POU2F1: variants seen among roughly 807,000 people sequenced by gnomAD.
POU2F1 encodes the protein POU class 2 homeobox 1, also known as POU domain, class 2, transcription factor 1.
Under a neutral mutation model 84.9 loss-of-function variants are expected in POU2F1, and 16 were observed. The ratio of observed to expected loss-of-function variants is 0.19; its 90% CI spans 0.13 to 0.29. The LOEUF (loss-of-function observed/expected upper bound fraction) is 0.29. POU2F1 is among the 10% of genes least tolerant of loss of function. POU2F1 has a pLI of 1.00. For synonymous variants in POU2F1, 368 were observed against 368.3 expected (o/e 1.00, Z 0.01); for missense variants, 738 against 942.6 (o/e 0.78, Z 2.84).
intron 6 of POU2F1, 95 bp downstream of exon 6, chr1:167,374,391 G>A: frequency 8.2e-7 from 1 of 1,221,582 alleles, no homozygotes; most frequent in Non-Finnish European, 1.1e-6. Context: ...GTTAGTGTGG[G>A]GCCTTAACTG....
At chr1:167,222,869 T>G (rs1648342169) in intron 1 of POU2F1, among the ~76,000 whole-genome samples, 1 of 152,222 alleles carries the variant, frequency 6.6e-6, no homozygotes, top group Non-Finnish European at 1.5e-5. Context: ...AATCACTTTG[T>G]TTTGGGGATG....
chr1:167,389,453 G>A, intron 8 of POU2F1, 135 bp from the exon 9 acceptor site: 1 of 843,770 alleles, frequency 1.2e-6, no homozygotes, highest in Non-Finnish European at 1.9e-6. Flanking sequence ...TGAACATTAT[G>A]TTGTACATTC....
At chr1:167,268,080 T>G (rs1284636634) in intron 1 of POU2F1, among the ~76,000 whole-genome samples, 5 of 152,132 alleles carry the variant, frequency 3.3e-5, no homozygotes, top group Non-Finnish European at 5.9e-5. Flanking sequence ...AGCTGGGAAA[T>G]CACTTAGATA....
At chr1:167,311,771 C>CATTTATTT (rs3059735) in intron 1 of POU2F1, among the ~76,000 whole-genome samples, 29,482 of 144,506 alleles carry the variant, frequency 0.2, 3,150 homozygotes, top group Non-Finnish European at 0.23. Flanking sequence ...TACAAAAAAT[C>CATTTATTT]ATTTATTTAT....
intron 6 of POU2F1, among the ~76,000 whole-genome samples, chr1:167,374,785 G>A (rs533201669): frequency 6.6e-6 from 1 of 152,072 alleles, no homozygotes; most frequent in African/African-American, 2.4e-5. Flanking sequence ...TATTTAAGAA[G>A]CGCCAGGCGC....
chr1:167,295,070 C>T (rs1006657661), intron 1 of POU2F1, among the ~76,000 whole-genome samples: 3 of 151,574 alleles, frequency 2.0e-5, no homozygotes, highest in East Asian at 3.9e-4. Context: ...TGCAGTGAGC[C>T]GAGATCACGC....
chr1:167,244,274 T>C (rs1650142480), intron 1 of POU2F1, among the ~76,000 whole-genome samples: 1 of 152,098 alleles, frequency 6.6e-6, no homozygotes, highest in Non-Finnish European at 1.5e-5. Context: ...ATTAAGATAT[T>C]GGTCAGAGCT....
chr1:167,300,924 C>A (rs1654650990), intron 1 of POU2F1, among the ~76,000 whole-genome samples: 1 of 152,116 alleles, frequency 6.6e-6, no homozygotes. Context: ...GCGCATGCCA[C>A]CACGCGCAGC....
chr1:167,403,144 G>A (rs565398575), intron 13 of POU2F1, among the ~76,000 whole-genome samples: 5 of 110,150 alleles, frequency 4.5e-5, no homozygotes, highest in African/African-American at 1.1e-4. Context: ...TTTCTGACAC[G>A]TTGATAATTT....
At chr1:167,400,491 C>A (rs186703799) in intron 12 of POU2F1, among the ~76,000 whole-genome samples, 29 of 152,294 alleles carry the variant, frequency 1.9e-4, no homozygotes, top group African/African-American at 6.5e-4. Flanking sequence ...CTTACACTCA[C>A]GTGATTAAGT....
At chr1:167,401,031 CG>C (rs980968591) in intron 12 of POU2F1, among the ~76,000 whole-genome samples, 12 of 151,774 alleles carry the variant, frequency 7.9e-5, no homozygotes, top group Admixed American at 5.3e-4. Context: ...AAAACTAATC[CG>C]TTTTTTTTAA....
chr1:167,357,839 CTG>C (rs757747523), intron 2 of POU2F1, among the ~76,000 whole-genome samples: 8 of 131,188 alleles, frequency 6.1e-5, no homozygotes, highest in Non-Finnish European at 9.4e-5. Flanking sequence ...GAGTCTCACT[CTG>C]TCTTCAGGCT....
chr1:167,307,364 T>C (rs1655141800), intron 1 of POU2F1, among the ~76,000 whole-genome samples: 1 of 152,024 alleles, frequency 6.6e-6, no homozygotes, highest in Non-Finnish European at 1.5e-5. Context: ...GGAATATCTG[T>C]ACATTTCATA....
Position 167,421,280 on chromosome 1 carries a change from A to G in POU2F1, c.*5470A>G, listed in dbSNP as rs1465244686. Reference sequence around the variant, plus strand: ...TTGCATGGATGGTGTCCACAATACAAATGTAAACTTGGACAGGAATAGGAT... The same window carrying G: ...TTGCATGGATGGTGTCCACAATACAGATGTAAACTTGGACAGGAATAGGAT... On this transcript the variant is annotated 3_prime_UTR_variant, in exon 16 of 16. Coordinates refer to ENST00000367866, the MANE Select transcript of POU2F1 (RefSeq NM_002697.4). The G allele has an allele frequency of 6.6e-6, 1 of 152,244 alleles. No individual in the cohort carries two copies. Among genetic ancestry groups the G allele is most frequent in the Non-Finnish European group, 1.5e-5 (1 of 68,042 alleles). The allele number at this position is 152,244 out of a possible 1,614,324, so 9.4% of individuals were successfully genotyped here.
intron 1 of POU2F1, among the ~76,000 whole-genome samples, chr1:167,236,664 T>A (rs1571137856): frequency 6.6e-6 from 1 of 152,284 alleles, no homozygotes; most frequent in East Asian, 1.9e-4. Flanking sequence ...CTTGGATCAG[T>A]CTACCTGTTA....
At chr1:167,279,371 TCCC>T (rs969733337) in intron 1 of POU2F1, among the ~76,000 whole-genome samples, 23 of 152,136 alleles carry the variant, frequency 1.5e-4, no homozygotes, top group African/African-American at 5.6e-4. Context: ...TGATGTTGTG[TCCC>T]CCCATGACAG....
intron 1 of POU2F1, among the ~76,000 whole-genome samples, chr1:167,295,781 G>A (rs956332539): frequency 2.0e-5 from 3 of 152,176 alleles, no homozygotes; most frequent in Non-Finnish European, 4.4e-5. Context: ...AGTGTAAAGT[G>A]AATGGGCCAT....
intron 2 of POU2F1, among the ~76,000 whole-genome samples, chr1:167,344,638 A>T (rs1172135238): frequency 1.3e-5 from 2 of 152,178 alleles, no homozygotes; most frequent in Non-Finnish European, 1.5e-5. Flanking sequence ...TGTAAGATGG[A>T]GATAAATAAT....
In POU2F1 at chr1:167,415,634, A is replaced by G; in HGVS notation, c.2125A>G (p.Thr709Ala). Reference sequence around the variant, plus strand: ...GAACCCTCAGAACCTCTCTCTGCTCACCAGCAACCCTGTTAGCTTGGTCTC... The same window carrying G: ...GAACCCTCAGAACCTCTCTCTGCTCGCCAGCAACCCTGTTAGCTTGGTCTC... The part of the protein sequence containing the change: ...FLNPQNLSLL[T>A]SNPVSLVSAA... The change falls in exon 16 of 16, where the codon ACC becomes GCC. Residue 709 changes from threonine to alanine, a missense_variant. By Grantham distance (58) the Thr-to-Ala change is moderately conservative (BLOSUM62 0). This residue lies in a region of POU2F1 where 319 missense variants were observed against 386.0 expected (regional missense o/e 0.83). Coordinates refer to ENST00000367866, the MANE Select transcript of POU2F1 (RefSeq NM_002697.4). The G allele has an allele frequency of 6.2e-7, 1 of 1,614,148 alleles. No individual in the cohort carries two copies. The highest frequency in any genetic ancestry group is 8.5e-7 in the Non-Finnish European group (1 of 1,180,010).
Sources: gnomAD v4.1 joint callset for allele counts (sites outside exome capture counted in the v4.1 genomes callset) on GRCh38, gnomAD v4.1.1 for gene constraint, gnomAD v4.1.1 regional missense constraint, MANE v1.5 for transcripts, NCBI Gene and HGNC (gene_info 2026-07-23, HGNC 2026-07-21) for gene names.